Variants in ZNF578 observed in about 807,000 individuals in gnomAD.
The protein encoded by ZNF578 is zinc finger protein 578.
ZNF578 carries 8 observed loss-of-function variants against 8.3 expected under a neutral mutation model. The observed-to-expected ratio is 0.96, with a 90% CI of 0.56 to 1.74. The LOEUF (loss-of-function observed/expected upper bound fraction) is 1.74, where lower values mean the gene tolerates loss of function less well. Ranked by LOEUF, ZNF578 falls within the 40% of genes most tolerant of loss-of-function variation. ZNF578 has a pLI of 0.00. For missense variants in ZNF578, 726 were observed against 707.5 expected, an observed-to-expected ratio of 1.03 and a Z score of -0.30; for synonymous variants, 206 against 232.2, an observed-to-expected ratio of 0.89 and a Z score of 1.03.
chr19:52,504,032 A>G (rs2059416666), intron 4 of ZNF578, among the ~76,000 whole-genome samples: 1 of 151,550 alleles, frequency 6.6e-6, no homozygotes, highest in African/African-American at 2.4e-5. Context: ...TCTTGACCAC[A>G]TTATCTGCCC....
intron 2 of ZNF578, among the ~76,000 whole-genome samples, chr19:52,481,389 G>A (rs2059325935): frequency 6.6e-6 from 1 of 152,170 alleles, no homozygotes; most frequent in South Asian, 2.1e-4. Context: ...AAGTGGTCAG[G>A]GGACTCCTTG....
At chr19:52,459,155 G>A (rs2059248383) in intron 2 of ZNF578, among the ~76,000 whole-genome samples, 2 of 152,244 alleles carry the variant, frequency 1.3e-5, no homozygotes, top group South Asian at 2.1e-4. Flanking sequence ...CCTGTTTATA[G>A]TTCAGTAATG....
rs414804 is a variant in ZNF578, at chr19:52,515,653, G to A, written c.*3499G>A. Among the ~76,000 whole-genome samples the A allele has an allele frequency of 0.49, 73,487 of 151,134 alleles. 18,167 individuals carry two copies. Among genetic ancestry groups the A allele is most frequent in the Admixed American group, 0.62 (9,497 of 15,200 alleles). ...CCTCCCTGCAACTTGGCGACGAGGGGCTTGACCAGAAAAGGTCAACCCGAG... is the reference window on the plus strand; with the variant it reads ...CCTCCCTGCAACTTGGCGACGAGGGACTTGACCAGAAAAGGTCAACCCGAG... On this transcript the variant is annotated 3_prime_UTR_variant, in exon 6 of 6. Coordinates refer to ENST00000421239, the MANE Select transcript of ZNF578 (RefSeq NM_001099694.2).
intron 3 of ZNF578, among the ~76,000 whole-genome samples, chr19:52,498,107 T>A (rs2059393148): frequency 6.6e-6 from 1 of 152,198 alleles, no homozygotes; most frequent in Non-Finnish European, 1.5e-5. Flanking sequence ...ACCTTACAAC[T>A]CGAAAGAAGT....
intron 5 of ZNF578, among the ~76,000 whole-genome samples, chr19:52,508,260 A>G (rs2059432179): frequency 1.3e-5 from 2 of 150,504 alleles, no homozygotes; most frequent in Admixed American, 6.6e-5. Flanking sequence ...CAGGAGAATC[A>G]CTTGAACCCG....
chr19:52,478,756 C>T (rs2059315846), intron 2 of ZNF578, among the ~76,000 whole-genome samples: 1 of 151,880 alleles, frequency 6.6e-6, no homozygotes, highest in Non-Finnish European at 1.5e-5. Context: ...CTCTGTCTCC[C>T]AGGCTGGAGT....
chr19:52,499,689 G>GTTTTTTTTTTTTTTTTTTTT lies in ZNF578; in HGVS notation c.-19-2125_-19-2124insTTTTTTTTTTTTTTTTTTTT, dbSNP rs66824085. Among the ~76,000 whole-genome samples, 138 of 141,578 alleles carry GTTTTTTTTTTTTTTTTTTTT rather than the reference G, an allele frequency of 9.7e-4. 8 individuals carry two copies. The highest frequency in any genetic ancestry group is 3.5e-3 in the African/African-American group (131 of 37,546). 92.9% of individuals were successfully genotyped at this position (141,578 alleles called of 152,430 possible). ...TGAGAAGATACATCACTTCCAAATC[G>GTTTTTTTTTTTTTTTTTTTT]TTTTTTTTTTTTTGAGATGAATTTT... On this transcript the variant is annotated intron_variant, in intron 3 of 5. Coordinates refer to ENST00000421239, the MANE Select transcript of ZNF578 (RefSeq NM_001099694.2).
At position 52,516,456 on chromosome 19, in the gene ZNF578, G is replaced by T. The variant is rs1242927965; in HGVS notation, c.*4302G>T. On this transcript the variant is annotated 3_prime_UTR_variant, in exon 6 of 6. Transcript: ENST00000421239. ...CCATGGTGAGGAGGGCCGCAGGGGGGACTGTATTTGCTCAGGGTGAGGTCT... is the reference window on the plus strand; with the variant it reads ...CCATGGTGAGGAGGGCCGCAGGGGGTACTGTATTTGCTCAGGGTGAGGTCT... Among the ~76,000 whole-genome samples, 2 of 152,178 alleles carry T rather than the reference G, an allele frequency of 1.3e-5. No homozygotes were observed. The highest frequency in any genetic ancestry group is 2.9e-5 in the Non-Finnish European group (2 of 68,044).
intron 2 of ZNF578, among the ~76,000 whole-genome samples, chr19:52,483,369 C>G (rs2562021): frequency 6.6e-6 from 1 of 152,168 alleles, no homozygotes; most frequent in Non-Finnish European, 1.5e-5. Flanking sequence ...GAGCCAAGAT[C>G]ACGCCATTGC....
intron 2 of ZNF578, among the ~76,000 whole-genome samples, chr19:52,491,079 C>T (rs920026000): frequency 6.6e-6 from 1 of 152,112 alleles, no homozygotes; most frequent in African/African-American, 2.4e-5. Flanking sequence ...TAGGCTTACA[C>T]ATGTTTGTGC....
chr19:52,505,857 T>A (rs2059423821), intron 5 of ZNF578, among the ~76,000 whole-genome samples: 1 of 152,146 alleles, frequency 6.6e-6, no homozygotes, highest in African/African-American at 2.4e-5. Flanking sequence ...AGTTCTACTG[T>A]CATTTCCTTC....
chr19:52,495,591 G>A (rs969251586), intron 3 of ZNF578, among the ~76,000 whole-genome samples: 14 of 152,084 alleles, frequency 9.2e-5, no homozygotes, highest in Non-Finnish European at 1.9e-4. Context: ...AAGCAGTAAT[G>A]AAGATGAAGG....
At chr19:52,492,044 G>A (rs776936654) in intron 3 of ZNF578, among the ~76,000 whole-genome samples, 1 of 148,242 alleles carries the variant, frequency 6.7e-6, no homozygotes, top group Non-Finnish European at 1.5e-5. Flanking sequence ...CCTCAAATCC[G>A]TTACTCCAAA....
Position 52,514,584 on chromosome 19 carries a change from C to G in ZNF578, c.*2430C>G, listed in dbSNP as rs117376874. Among the ~76,000 whole-genome samples, 107 of 152,334 alleles carry G rather than the reference C, an allele frequency of 7.0e-4. 1 individual carries two copies. In the East Asian group the frequency reaches 0.02, roughly 29 times the overall value. On this transcript the variant is annotated 3_prime_UTR_variant, in exon 6 of 6. Transcript: ENST00000421239. ...GGAGCTATTTATTGTGTGTTTCCCT[C>G]AAGGCCCTGTGGTCCATTCTGGAAA...
At chr19:52,473,789 A>G (rs572431222) in intron 2 of ZNF578, 10 of 318,022 alleles carry the variant, frequency 3.1e-5, no homozygotes, top group East Asian at 3.0e-4. Context: ...ATGCCCACCA[A>G]ATTCTTTGGC....
chr19:52,474,524 G>C (rs895442976), intron 2 of ZNF578: 1 of 299,790 alleles, frequency 3.3e-6, no homozygotes, highest in African/African-American at 2.2e-5. Flanking sequence ...TGTGAACTCT[G>C]AGTAAAGACC....
chr19:52,463,856 C>T (rs892081504), intron 2 of ZNF578, among the ~76,000 whole-genome samples: 3 of 152,164 alleles, frequency 2.0e-5, no homozygotes, highest in African/African-American at 7.2e-5. Context: ...AAAGTAGTCA[C>T]AGCTTCTTCC....
intron 2 of ZNF578, among the ~76,000 whole-genome samples, chr19:52,487,952 C>A (rs930902846): frequency 1.6e-4 from 4 of 24,538 alleles, no homozygotes; most frequent in Admixed American, 9.5e-4. Context: ...CCTACATAGC[C>A]CCCCCCCCTT....
chr19:52,488,923 C>T (rs189809228), intron 2 of ZNF578, among the ~76,000 whole-genome samples: 127 of 152,088 alleles, frequency 8.4e-4, no homozygotes, highest in African/African-American at 2.9e-3. Context: ...GGTGAAACCC[C>T]GTCTCTACCA....
Sources: gnomAD v4.1 joint callset for allele counts (sites outside exome capture counted in the v4.1 genomes callset) on GRCh38, gnomAD v4.1.1 for gene constraint, MANE v1.5 for transcripts, NCBI Gene and HGNC (gene_info 2026-07-23, HGNC 2026-07-21) for gene names.